Variants in CDC26 observed in about 807,000 individuals in gnomAD.
The protein encoded by CDC26 is cell division cycle 26, also known as anaphase-promoting complex subunit CDC26.
A neutral mutation model predicts 8.0 loss-of-function variants in CDC26; 2 were observed. The ratio of observed to expected loss-of-function variants is 0.25; its 90% CI spans 0.10 to 0.79. The LOEUF (loss-of-function observed/expected upper bound fraction) is 0.79. Among genes scored for constraint, CDC26 ranks in the 30% least tolerant of loss-of-function variants. The pLI, the probability that CDC26 is intolerant of heterozygous loss-of-function variation, is 0.70. For missense variants in CDC26, 68 were observed against 106.0 expected, an observed-to-expected ratio of 0.64 and a Z score of 1.57; for synonymous variants, 19 against 34.9, an observed-to-expected ratio of 0.55 and a Z score of 1.60.
At chr9:113,267,561 A>T in intron 3 of CDC26, 122 bp from the exon 4 acceptor site, 1 of 1,281,946 alleles carries the variant, frequency 7.8e-7, no homozygotes, top group Non-Finnish European at 1.1e-6. Context: ...AAGAACAATA[A>T]ACTGAAATCC....
intron 1 of CDC26, 27 bp downstream of exon 1, chr9:113,275,355 C>G (rs1187964455): frequency 5.3e-6 from 1 of 189,318 alleles, no homozygotes; most frequent in Non-Finnish European, 1.1e-5. Flanking sequence ...GAGTTCAGCC[C>G]CGAGCCGCGC....
In CDC26 at chr9:113,272,398, C is replaced by T. The variant is rs139063945; in HGVS notation, c.81+29G>A. The T allele has an allele frequency of 6.8e-5, 105 of 1,554,236 alleles. No homozygotes were observed. In the East Asian group the frequency reaches 2.3e-3, roughly 34 times the overall value. On this transcript the variant is annotated intron_variant, in intron 3 of 3. Coordinates refer to ENST00000374206, the MANE Select transcript of CDC26 (RefSeq NM_139286.4). ...CCTGTGTGACAGAGCGAGACTCCAT[C>T]TCAAAAAAACACAAAGTTGTATTCA...
rs766766933 is a variant in CDC26 at position 113,267,260 on chromosome 9, T to C, written c.*3A>G. The C allele has an allele frequency of 1.4e-6, 2 of 1,473,788 alleles. No individual in the cohort carries two copies. Among genetic ancestry groups the C allele is most frequent in the Non-Finnish European group, 1.8e-6 (2 of 1,091,688 alleles). 91.3% of individuals were successfully genotyped at this position (1,473,788 alleles called of 1,614,324 possible). On this transcript the variant is annotated 3_prime_UTR_variant, in exon 4 of 4. Transcript: ENST00000374206. ...GCGCTCTGGCATGCAAGATAATCCA[T>C]CTCTAAAATTCAAGACTTCCAAATT...
At chr9:113,269,483 T>C (rs1178961238) in intron 3 of CDC26, among the ~76,000 whole-genome samples, 1 of 152,230 alleles carries the variant, frequency 6.6e-6, no homozygotes, top group Non-Finnish European at 1.5e-5. Flanking sequence ...AGAGTCACAG[T>C]AGTATAATCA....
At chr9:113,269,293 G>A (rs1009891364) in intron 3 of CDC26, among the ~76,000 whole-genome samples, 3 of 152,136 alleles carry the variant, frequency 2.0e-5, no homozygotes, top group African/African-American at 7.2e-5. Context: ...ATAAGGTATT[G>A]CCTTTTATGT....
chr9:113,269,750 G>A (rs1477358304), intron 3 of CDC26, among the ~76,000 whole-genome samples: 5 of 152,186 alleles, frequency 3.3e-5, no homozygotes, highest in African/African-American at 1.2e-4. Flanking sequence ...TTTTTAGAAA[G>A]CAAAAATTAC....
chr9:113,271,112 G>T (rs772997090), intron 3 of CDC26, among the ~76,000 whole-genome samples: 1 of 152,142 alleles, frequency 6.6e-6, no homozygotes, highest in African/African-American at 2.4e-5. Context: ...AATATAAAGC[G>T]TAAGAGAAAG....
In CDC26 at chr9:113,275,422, TC is replaced by T. The variant is rs532859078; in HGVS notation, c.-193del. On this transcript the variant is annotated 5_prime_UTR_variant, in exon 1 of 4. Transcript: ENST00000374206. ...CCTAGCCCCTTCCCGGAACCTCGGCTCCCCCCCAACGAAACTACTGCTAAGC... is the reference window on the plus strand; with the variant it reads ...CCTAGCCCCTTCCCGGAACCTCGGCTCCCCCCAACGAAACTACTGCTAAGC... The T allele has an allele frequency of 2.8e-5, 9 of 321,782 alleles. No individual in the cohort carries two copies. Among genetic ancestry groups the T allele is most frequent in the Non-Finnish European group, 5.1e-5 (9 of 175,014 alleles). The allele number at this position is 321,782 out of a possible 1,614,324, so 19.9% of individuals were successfully genotyped here.
intron 2 of CDC26, 54 bp from the exon 3 acceptor site, chr9:113,272,602 C>A: frequency 3.0e-5 from 25 of 822,562 alleles, no homozygotes; most frequent in South Asian, 6.2e-5. Context: ...GTCTCAGATA[C>A]AAAACATAAA....
intron 3 of CDC26, 97 bp from the exon 4 acceptor site, chr9:113,267,536 T>C (rs1484243946): frequency 2.8e-6 from 4 of 1,417,726 alleles, no homozygotes; most frequent in Non-Finnish European, 3.8e-6. Context: ...GGCTAAATGA[T>C]AGAGTTAGGG....
intron 3 of CDC26, among the ~76,000 whole-genome samples, chr9:113,270,729 G>A (rs1211555600): frequency 6.6e-6 from 1 of 152,200 alleles, no homozygotes; most frequent in Admixed American, 6.5e-5. Context: ...GGAAATGAAA[G>A]AGAGCCAATG....
chr9:113,268,029 G>C (rs1039028120), intron 3 of CDC26, among the ~76,000 whole-genome samples: 1 of 152,030 alleles, frequency 6.6e-6, no homozygotes, highest in African/African-American at 2.4e-5. Context: ...GGATGTCACA[G>C]TCTAATAGGG....
At chr9:113,274,187 G>A (rs554623606) in intron 1 of CDC26, among the ~76,000 whole-genome samples, 2 of 152,160 alleles carry the variant, frequency 1.3e-5, no homozygotes, top group South Asian at 4.1e-4. Context: ...GTTCAGTTTG[G>A]TTAATAATTT....
intron 3 of CDC26, among the ~76,000 whole-genome samples, chr9:113,268,973 T>C (rs1299683601): frequency 1.3e-5 from 2 of 152,042 alleles, no homozygotes; most frequent in Non-Finnish European, 2.9e-5. Context: ...TAGGATGGTC[T>C]CAATCTCTTG....
chr9:113,270,152 G>A (rs1357821531), intron 3 of CDC26, among the ~76,000 whole-genome samples: 1 of 152,186 alleles, frequency 6.6e-6, no homozygotes, highest in Non-Finnish European at 1.5e-5. Flanking sequence ...GTAAGAGTTA[G>A]CCTGGCAAAG....
chr9:113,268,708 G>C (rs1053104119), intron 3 of CDC26, among the ~76,000 whole-genome samples: 43 of 152,198 alleles, frequency 2.8e-4, no homozygotes, highest in African/African-American at 1.0e-3. Context: ...TTGAGCCCAG[G>C]AGTGTGACAC....
chr9:113,269,545 T>C (rs1831922330), intron 3 of CDC26, among the ~76,000 whole-genome samples: 1 of 152,036 alleles, frequency 6.6e-6, no homozygotes, highest in Non-Finnish European at 1.5e-5. Flanking sequence ...GGTTTCACTT[T>C]AGGGCATGAC....
intron 3 of CDC26, among the ~76,000 whole-genome samples, chr9:113,271,160 G>T (rs1450608057): frequency 6.6e-6 from 1 of 152,170 alleles, no homozygotes; most frequent in Non-Finnish European, 1.5e-5. Context: ...TCTGGCCTGA[G>T]GAACTGAATC....
chr9:113,271,408 G>A (rs2118550489), intron 3 of CDC26, among the ~76,000 whole-genome samples: 1 of 152,222 alleles, frequency 6.6e-6, no homozygotes, highest in Non-Finnish European at 1.5e-5. Context: ...GGTTAGTCAG[G>A]TGGGCCCTAA....
Sources: gnomAD v4.1 joint callset for allele counts (sites outside exome capture counted in the v4.1 genomes callset) on GRCh38, gnomAD v4.1.1 for gene constraint, MANE v1.5 for transcripts, NCBI Gene and HGNC (gene_info 2026-07-23, HGNC 2026-07-21) for gene names.